PTPRN2: variants seen among roughly 807,000 people sequenced by gnomAD.
PTPRN2 encodes the protein receptor-type tyrosine-protein phosphatase N2.
In PTPRN2, 74 loss-of-function variants were observed where a neutral mutation model predicts 118.8. The ratio of observed to expected loss-of-function variants is 0.62; its 90% CI spans 0.52 to 0.76. The LOEUF (loss-of-function observed/expected upper bound fraction) is 0.76, where lower values mean the gene tolerates loss of function less well. Among genes scored for constraint, PTPRN2 ranks in the 30% least tolerant of loss-of-function variants. The pLI, the probability that PTPRN2 is intolerant of heterozygous loss-of-function variation, is 0.00. For missense variants in PTPRN2, 1,481 were observed against 1,394.4 expected, an observed-to-expected ratio of 1.06 and a Z score of -0.99; for synonymous variants, 641 against 608.0, an observed-to-expected ratio of 1.05 and a Z score of -0.80.
intron 17 of PTPRN2, among the ~76,000 whole-genome samples, chr7:157,594,634 C>T (rs1325166602): frequency 3.9e-5 from 6 of 152,242 alleles, no homozygotes; most frequent in Non-Finnish European, 1.5e-5. Flanking sequence ...GGCCACGTTC[C>T]AGGTTCCAGA....
At chr7:158,441,903 C>T (rs1475009949) in intron 2 of PTPRN2, among the ~76,000 whole-genome samples, 15 of 101,672 alleles carry the variant, frequency 1.5e-4, no homozygotes, top group Middle Eastern at 7.5e-3. Flanking sequence ...ATGGTCATGG[C>T]AGTGGTGGTG....
rs1232588261 is a variant in PTPRN2 at position 158,407,648 on chromosome 7, G to C, written c.163+82087C>G. 6.1e-5 allele frequency among the ~76,000 whole-genome samples: 5 copies of C among 81,680 alleles called. 1 individual carries two copies. The highest frequency in any genetic ancestry group is 2.2e-4 in the African/African-American group (5 of 22,346). 53.6% of individuals were successfully genotyped at this position (81,680 alleles called of 152,430 possible). A position where few individuals can be genotyped will look rare whatever the true frequency, so the allele number is the denominator to read the frequency against. On this transcript the variant is annotated intron_variant, in intron 2 of 22. Transcript: ENST00000389418. ...CCTGGGTCCTGCGTCCTGGGTCCTG[G>C]GTCCTGCATCCTGCGTCCTGCGTCC...
chr7:158,412,323 G>A (rs1421022249), intron 2 of PTPRN2, among the ~76,000 whole-genome samples: 1 of 98,650 alleles, frequency 1.0e-5, no homozygotes, highest in Admixed American at 9.9e-5. Context: ...GCCCTCCTCA[G>A]CACCAGGGCC....
chr7:157,786,579 G>A (rs983355158), intron 12 of PTPRN2, among the ~76,000 whole-genome samples: 2 of 152,190 alleles, frequency 1.3e-5, no homozygotes, highest in Non-Finnish European at 2.9e-5. Context: ...GTGACGGGGT[G>A]AGGACCGGGC....
chr7:158,304,790 G>C (rs1801162242), intron 3 of PTPRN2, among the ~76,000 whole-genome samples: 1 of 152,180 alleles, frequency 6.6e-6, no homozygotes, highest in Admixed American at 6.5e-5. Context: ...CAGGTTGCAG[G>C]CTTCAGAGAG....
intron 7 of PTPRN2, among the ~76,000 whole-genome samples, chr7:158,137,133 C>A (rs1464010459): frequency 6.6e-6 from 1 of 152,116 alleles, no homozygotes; most frequent in African/African-American, 2.4e-5. Flanking sequence ...TAAATAGGTA[C>A]CCCGGCTGGG....
chr7:157,656,209 C>A (rs1563309841), intron 14 of PTPRN2, 148 bp downstream of exon 14: 1 of 741,210 alleles, frequency 1.3e-6, no homozygotes, highest in South Asian at 2.0e-5. Context: ...GCAGAAAGAG[C>A]CCTGCCTGTC....
chr7:157,909,598 T>C (rs1797969975), intron 11 of PTPRN2, among the ~76,000 whole-genome samples: 1 of 152,252 alleles, frequency 6.6e-6, no homozygotes, highest in Admixed American at 6.5e-5. Context: ...GGCCAGCTCC[T>C]GCCTCAGGGC....
At chr7:157,703,761 G>T (rs776129753) in intron 12 of PTPRN2, among the ~76,000 whole-genome samples, 1 of 152,118 alleles carries the variant, frequency 6.6e-6, no homozygotes, top group Non-Finnish European at 1.5e-5. Context: ...GTCCTCTGCC[G>T]CTGCTCTGGA....
chr7:157,578,089 C>G lies in PTPRN2; in HGVS notation c.2548G>C (p.Glu850Gln). The change falls in exon 18 of 23, where the codon GAG (glutamate) becomes CAG (glutamine). Residue 850 changes from glutamate (E) to glutamine (Q), a missense_variant. Physicochemically the swap from Glu to Gln is conservative, Grantham distance 29 (BLOSUM62 2). This residue lies in a region of PTPRN2 where 362 missense variants were observed against 384.1 expected (regional missense o/e 0.94). Transcript: ENST00000389418. ...VVIVMLTPLA[E>Q]NGVRQCYHYW... Reference sequence around the variant, plus strand: ...TGGTAGCACTGCCGGACGCCGTTCTCCGCGAGGGGTGTCAGCATGACGATC... The same window carrying G: ...TGGTAGCACTGCCGGACGCCGTTCTGCGCGAGGGGTGTCAGCATGACGATC... 1 of 1,613,608 alleles carries G rather than the reference C, an allele frequency of 6.2e-7. No individual in the cohort carries two copies. The highest frequency in any genetic ancestry group is 8.5e-7 in the Non-Finnish European group (1 of 1,179,802).
rs1827504254 is a variant in PTPRN2 at position 158,563,482 on chromosome 7, A to G, written c.112+24076T>C. ...CCAAAACCCAGCTGGTGCAAGCTAA[A>G]AAAATGACCAAGATATAAGGCCGTG... On this transcript the variant is annotated intron_variant, in intron 1 of 22. Coordinates refer to ENST00000389418, the MANE Select transcript of PTPRN2 (RefSeq NM_002847.5). This position sits in a 1 kb window ranked among gnomAD's most constrained non-coding sequence, Gnocchi z 5.1. 6.6e-6 allele frequency among the ~76,000 whole-genome samples: 1 copy of G among 152,256 alleles called. No homozygotes were observed. Among genetic ancestry groups the G allele is most frequent in the Admixed American group, 6.5e-5 (1 of 15,290 alleles).
chr7:158,334,711 T>A (rs866056677), intron 2 of PTPRN2, among the ~76,000 whole-genome samples: 1 of 12,648 alleles, frequency 7.9e-5, no homozygotes, highest in Non-Finnish European at 1.9e-4. Context: ...AGGTGACACC[T>A]GCAGACGTCA....
At chr7:158,087,533 A>C (rs1384518176) in intron 10 of PTPRN2, among the ~76,000 whole-genome samples, 1 of 152,252 alleles carries the variant, frequency 6.6e-6, no homozygotes, top group Non-Finnish European at 1.5e-5. Flanking sequence ...TTTAGGGTGG[A>C]AGAAATGCCA....
chr7:157,544,021 AGAGAGAGGTGGAGAGAGACG>A (rs1358955099), intron 22 of PTPRN2, among the ~76,000 whole-genome samples: 33 of 143,986 alleles, frequency 2.3e-4, no homozygotes, highest in Admixed American at 9.2e-4. Context: ...GGAGAGAGAC[AGAGAGAGGTGGAGAGAGACG>A]GAGAGAGGTG....
chr7:158,273,276 G>C (rs1184680346), intron 3 of PTPRN2, among the ~76,000 whole-genome samples: 1 of 152,178 alleles, frequency 6.6e-6, no homozygotes, highest in East Asian at 1.9e-4. Flanking sequence ...AACGTTTATG[G>C]CCAGTGAGCA....
intron 11 of PTPRN2, among the ~76,000 whole-genome samples, chr7:157,932,139 A>G (rs1799396740): frequency 6.6e-6 from 1 of 152,214 alleles, no homozygotes; most frequent in East Asian, 1.9e-4. Context: ...AAACTTATGG[A>G]CATGATTTTC....
intron 11 of PTPRN2, among the ~76,000 whole-genome samples, chr7:158,019,007 T>C (rs1294149240): frequency 1.5e-5 from 2 of 131,552 alleles, no homozygotes; most frequent in African/African-American, 5.7e-5. Flanking sequence ...TATAAGAAAG[T>C]ATAAACAGAG....
chr7:157,744,910 C>A (rs1286723982), intron 12 of PTPRN2, among the ~76,000 whole-genome samples: 1 of 152,194 alleles, frequency 6.6e-6, no homozygotes, highest in Non-Finnish European at 1.5e-5. Flanking sequence ...GCACCCCAGT[C>A]CCCCGGCATC....
At chr7:158,576,053 A>G (rs950721154) in intron 1 of PTPRN2, among the ~76,000 whole-genome samples, 10 of 152,286 alleles carry the variant, frequency 6.6e-5, no homozygotes, top group African/African-American at 2.4e-4. Context: ...TGAGTTTGCA[A>G]CATCCCCATT....
Sources: allele counts gnomAD v4.1 joint callset (sites outside exome capture counted in the v4.1 genomes callset), GRCh38; gene constraint gnomAD v4.1.1; regional missense constraint gnomAD v4.1.1; non-coding constraint Gnocchi (gnomAD v3.1); transcripts MANE v1.5; gene names NCBI Gene and HGNC (gene_info 2026-07-23, HGNC 2026-07-21).